ZNF26: variants seen among roughly 807,000 people sequenced by gnomAD.
ZNF26 encodes zinc finger protein 26.
Under a neutral mutation model 54.9 loss-of-function variants are expected in ZNF26, and 32 were observed. The observed-to-expected ratio is 0.58, with a 90% confidence interval of 0.44 to 0.78. The LOEUF (loss-of-function observed/expected upper bound fraction) is 0.78. ZNF26 is among the 30% of genes least tolerant of loss of function. The pLI, the probability that ZNF26 is intolerant of heterozygous loss-of-function variation, is 0.00. For synonymous variants in ZNF26, 221 were observed against 209.2 expected, an observed-to-expected ratio of 1.06 and a Z score of -0.49; for missense variants, 524 against 634.0, an observed-to-expected ratio of 0.83 and a Z score of 1.86.
Position 133,024,662 on chromosome 12 carries a change from G to A in ZNF26, c.*13181G>A, listed in dbSNP as rs1953679437. ...TAAGATTCCAGAAAGATCTGAAGCG[G>A]TGCCTCCTGACCCCCTTCAATGAAT... On this transcript the variant is annotated 3_prime_UTR_variant, in exon 4 of 4. Coordinates refer to ENST00000328654, the MANE Select transcript of ZNF26 (RefSeq NM_019591.4). The A allele has an allele frequency of 6.6e-6, 1 of 152,150 alleles. No homozygotes were observed. The highest frequency in any genetic ancestry group is 1.5e-5 in the Non-Finnish European group (1 of 68,032). 9.4% of individuals were successfully genotyped at this position (152,150 alleles called of 1,614,324 possible).
chr12:133,001,129 G>A lies in ZNF26; in HGVS notation c.34-5913G>A, dbSNP rs1953210672. ...TAACCAGCTTGATAAGCACCTCAAC[G>A]TAATAAGGGCACAGTAGTGGCTTCA... On this transcript the variant is annotated intron_variant, in intron 1 of 3. Coordinates refer to ENST00000328654, the MANE Select transcript of ZNF26 (RefSeq NM_019591.4). This position sits in a 1 kb window ranked among gnomAD's most constrained non-coding sequence, Gnocchi z 4.7. Among the ~76,000 whole-genome samples the A allele has an allele frequency of 1.3e-5, 2 of 152,246 alleles. No individual in the cohort carries two copies. Among genetic ancestry groups the A allele is most frequent in the South Asian group, 4.1e-4 (2 of 4,824 alleles).
intron 1 of ZNF26, among the ~76,000 whole-genome samples, chr12:132,994,457 A>G (rs1953029189): frequency 6.6e-6 from 1 of 152,200 alleles, no homozygotes; most frequent in East Asian, 1.9e-4. Context: ...GATACAGTTG[A>G]TTCTCTTAGA....
In ZNF26 at chr12:133,022,064, C is replaced by G. The variant is rs1314465575; in HGVS notation, c.*10583C>G. On this transcript the variant is annotated 3_prime_UTR_variant, in exon 4 of 4. Coordinates refer to ENST00000328654, the MANE Select transcript of ZNF26 (RefSeq NM_019591.4). Reference sequence around the variant, plus strand: ...TGATAGCCCCTGTTTACCAAAAATACAAAAATTAGCCAGGGTGGTGACGTG... The same window carrying G: ...TGATAGCCCCTGTTTACCAAAAATAGAAAAATTAGCCAGGGTGGTGACGTG... The G allele has an allele frequency of 6.6e-6, 1 of 151,686 alleles. No homozygotes were observed. The highest frequency in any genetic ancestry group is 1.5e-5 in the Non-Finnish European group (1 of 67,930). 9.4% of individuals were successfully genotyped at this position (151,686 alleles called of 1,614,324 possible). A position where few individuals can be genotyped will look rare whatever the true frequency, so the allele number is the denominator to read the frequency against.
intron 1 of ZNF26, among the ~76,000 whole-genome samples, chr12:133,002,432 T>C (rs1162255497): frequency 6.6e-6 from 1 of 152,050 alleles, no homozygotes; most frequent in Non-Finnish European, 1.5e-5. Flanking sequence ...CCCCTCCCTC[T>C]TCCACAGCAG....
intron 3 of ZNF26, 151 bp downstream of exon 3, chr12:133,007,683 A>G (rs1953360446): frequency 1.8e-6 from 1 of 556,342 alleles, no homozygotes; most frequent in Admixed American, 3.4e-5. Flanking sequence ...AGCTCCTCAG[A>G]TAAGGACATC....
rs1226909821 is a variant in ZNF26 at position 133,013,603 on chromosome 12, G to T, written c.*2122G>T. On this transcript the variant is annotated 3_prime_UTR_variant, in exon 4 of 4. Transcript: ENST00000328654. The stretch of plus-strand genomic sequence containing the variant: ...TAGGAATGTCTGGGAAGAACCTGAG[G>T]ACTCAGCCTAGCAAACTCTTCTGAT... 6.2e-6 allele frequency: 1 copy of T among 161,228 alleles called. No homozygotes were observed. Among genetic ancestry groups the T allele is most frequent in the Non-Finnish European group, 1.4e-5 (1 of 72,074 alleles). 10.0% of individuals were successfully genotyped at this position (161,228 alleles called of 1,614,324 possible). A position where few individuals can be genotyped will look rare whatever the true frequency, so the allele number is the denominator to read the frequency against.
At chr12:132,990,545 G>A (rs1386017969) in intron 1 of ZNF26, among the ~76,000 whole-genome samples, 1 of 152,134 alleles carries the variant, frequency 6.6e-6, no homozygotes, top group Non-Finnish European at 1.5e-5. Flanking sequence ...TTAGAGCGAT[G>A]CTGTCTTTAT....
chr12:132,992,610 A>G (rs2137216033), intron 1 of ZNF26, among the ~76,000 whole-genome samples: 1 of 152,310 alleles, frequency 6.6e-6, no homozygotes, highest in South Asian at 2.1e-4. Context: ...CATAAATTGA[A>G]AATCTCTTTG....
intron 1 of ZNF26, among the ~76,000 whole-genome samples, chr12:132,994,875 C>A (rs78034272): frequency 1.3e-5 from 2 of 152,188 alleles, no homozygotes; most frequent in South Asian, 4.1e-4. Flanking sequence ...TCCTGTGCAT[C>A]GTGGGTTGCT....
Position 133,026,152 on chromosome 12 carries a change from A to G in ZNF26, c.*14671A>G, listed in dbSNP as rs1027162461. ...GCACTCTCACTCTTTCCCAGGCTGGAGTGCAGTGGCACGATCCTGGCTCAC... is the reference window on the plus strand; with the variant it reads ...GCACTCTCACTCTTTCCCAGGCTGGGGTGCAGTGGCACGATCCTGGCTCAC... On this transcript the variant is annotated 3_prime_UTR_variant, in exon 4 of 4. Transcript: ENST00000328654. 1 of 151,596 alleles carries G rather than the reference A, an allele frequency of 6.6e-6. No homozygotes were observed. Among genetic ancestry groups the G allele is most frequent in the Admixed American group, 6.6e-5 (1 of 15,196 alleles). The allele number at this position is 151,596 out of a possible 1,614,324, so 9.4% of individuals were successfully genotyped here. A position where few individuals can be genotyped will look rare whatever the true frequency, so the allele number is the denominator to read the frequency against.
At chr12:132,990,157 A>G (rs1458198296) in intron 1 of ZNF26, among the ~76,000 whole-genome samples, 1 of 152,142 alleles carries the variant, frequency 6.6e-6, no homozygotes, top group Non-Finnish European at 1.5e-5. Context: ...GCGTGGTGAC[A>G]CATGCCTGTA....
chr12:133,002,047 A>G (rs1953229299), intron 1 of ZNF26, among the ~76,000 whole-genome samples: 1 of 152,026 alleles, frequency 6.6e-6, no homozygotes, highest in African/African-American at 2.4e-5. Context: ...TAGCAAGGTC[A>G]CTTTTCTCCT....
In ZNF26 at chr12:133,013,320, T is replaced by G. The variant is rs1953521000; in HGVS notation, c.*1839T>G. ...AGCTGTAGGAGTGAGGTGGTGGGAA[T>G]CAAATAGTATATTTGGCTTGGTGAA... On this transcript the variant is annotated 3_prime_UTR_variant, in exon 4 of 4. Transcript: ENST00000328654. 6.6e-6 allele frequency: 1 copy of G among 152,260 alleles called. No individual in the cohort carries two copies. The highest frequency in any genetic ancestry group is 2.4e-5 in the African/African-American group (1 of 41,448). 9.4% of individuals were successfully genotyped at this position (152,260 alleles called of 1,614,324 possible). A position where few individuals can be genotyped will look rare whatever the true frequency, so the allele number is the denominator to read the frequency against.
At chr12:133,009,085 C>A (rs1225516898) in intron 3 of ZNF26, among the ~76,000 whole-genome samples, 1 of 152,130 alleles carries the variant, frequency 6.6e-6, no homozygotes, top group Non-Finnish European at 1.5e-5. Flanking sequence ...CAGGCACCTC[C>A]CACCAGGCCC....
At position 133,011,117 on chromosome 12, in the gene ZNF26, T is replaced by C. The variant is rs1350582340; in HGVS notation, c.1238T>C (p.Leu413Pro). 1 of 1,614,164 alleles carries C rather than the reference T, an allele frequency of 6.2e-7. No individual in the cohort carries two copies. Among genetic ancestry groups the C allele is most frequent in the Admixed American group, 1.7e-5 (1 of 60,002 alleles). ...CGKAFSSKSY[L>P]VIHRRTHTGE... ...AAGGCTTTCAGCAGCAAGTCATACC[T>C]TGTTATACATAGGAGAACACACACC... Residue 413 changes from leucine to proline, a missense_variant, in exon 4 of 4, where the codon CTT (leucine) becomes CCT (proline). Physicochemically the swap from Leu to Pro is moderately conservative, Grantham distance 98 (BLOSUM62 -3). Transcript: ENST00000328654.
In ZNF26 at chr12:133,001,652, G is replaced by A; in HGVS notation, c.34-5390G>A. Reference sequence around the variant, plus strand: ...CTGCAGGTAGTGCTGCTGAGGAGGAGCCTGCTAATGAGCTCAAGTGTCAAG... The same window carrying A: ...CTGCAGGTAGTGCTGCTGAGGAGGAACCTGCTAATGAGCTCAAGTGTCAAG... On this transcript the variant is annotated intron_variant, in intron 1 of 3. Transcript: ENST00000328654. This position sits in a 1 kb window ranked among gnomAD's most constrained non-coding sequence, Gnocchi z 4.7. 1 of 1,289,156 alleles carries A rather than the reference G, an allele frequency of 7.8e-7. No individual in the cohort carries two copies. The highest frequency in any genetic ancestry group is 1.5e-5 in the African/African-American group (1 of 65,990). 79.9% of individuals were successfully genotyped at this position (1,289,156 alleles called of 1,614,324 possible). A position where few individuals can be genotyped will look rare whatever the true frequency, so the allele number is the denominator to read the frequency against.
At position 133,025,423 on chromosome 12, in the gene ZNF26, A is replaced by T. The variant is rs1266941177; in HGVS notation, c.*13942A>T. 6.6e-6 allele frequency: 1 copy of T among 152,166 alleles called. No homozygotes were observed. The highest frequency in any genetic ancestry group is 1.5e-5 in the Non-Finnish European group (1 of 68,030). The allele number at this position is 152,166 out of a possible 1,614,324, so 9.4% of individuals were successfully genotyped here. ...ATCTGATATTATAACGGGATGAGAC[A>T]TTGGGATCTTGGGGGAGGAGATGGC... On this transcript the variant is annotated 3_prime_UTR_variant, in exon 4 of 4. Coordinates refer to ENST00000328654, the MANE Select transcript of ZNF26 (RefSeq NM_019591.4).
In ZNF26 at chr12:133,023,503, C is replaced by G. The variant is rs1018956164; in HGVS notation, c.*12022C>G. On this transcript the variant is annotated 3_prime_UTR_variant, in exon 4 of 4. Transcript: ENST00000328654. ...GAAGAAAAAATAAATACAGGTCAAT[C>G]TAATATATGAAAATTTTCTGAGTAA... 5.9e-5 allele frequency: 9 copies of G among 152,154 alleles called. No individual in the cohort carries two copies. The highest frequency in any genetic ancestry group is 1.0e-4 in the Non-Finnish European group (7 of 68,026). 9.4% of individuals were successfully genotyped at this position (152,154 alleles called of 1,614,324 possible). A position where few individuals can be genotyped will look rare whatever the true frequency, so the allele number is the denominator to read the frequency against.
chr12:133,009,802 C>T (rs1024832623), intron 3 of ZNF26, among the ~76,000 whole-genome samples: 23 of 152,246 alleles, frequency 1.5e-4, no homozygotes, highest in Admixed American at 3.9e-4. Context: ...CTCCCAGGTT[C>T]AAGCGATTCT....
Sources: allele counts gnomAD v4.1 joint callset (sites outside exome capture counted in the v4.1 genomes callset), GRCh38; gene constraint gnomAD v4.1.1; non-coding constraint Gnocchi (gnomAD v3.1); transcripts MANE v1.5; gene names NCBI Gene and HGNC (gene_info 2026-07-23, HGNC 2026-07-21).